Variants in TUBGCP5 observed in about 807,000 individuals in gnomAD.
TUBGCP5 encodes tubulin gamma complex component 5.
TUBGCP5 carries 98 observed loss-of-function variants against 134.7 expected under a neutral mutation model. The observed-to-expected ratio is 0.73, with a 90% CI of 0.62 to 0.86. The LOEUF (loss-of-function observed/expected upper bound fraction) is 0.86. Ranked by LOEUF, TUBGCP5 falls within the 40% of genes least tolerant of loss-of-function variation. The pLI, the probability that TUBGCP5 is intolerant of heterozygous loss-of-function variation, is 0.00. For missense variants in TUBGCP5, 1,150 were observed against 1,244.8 expected (o/e 0.92, Z 1.15); for synonymous variants, 456 against 431.4 (o/e 1.06, Z -0.71).
In TUBGCP5 at chr15:23,023,931, G is replaced by A. The variant is rs764903906; in HGVS notation, c.1168+16C>T. 5.6e-6 allele frequency: 9 copies of A among 1,611,606 alleles called. No homozygotes were observed. Among genetic ancestry groups the A allele is most frequent in the Non-Finnish European group, 7.6e-6 (9 of 1,178,808 alleles). On this transcript the variant is annotated intron_variant, in intron 10 of 22. Coordinates refer to ENST00000615383, the MANE Select transcript of TUBGCP5 (RefSeq NM_052903.6). ...AGTTACGTGTAGTATGAGTAAAGATGAAGAACATTTAATACCATTATTGAT... is the reference window on the plus strand; with the variant it reads ...AGTTACGTGTAGTATGAGTAAAGATAAAGAACATTTAATACCATTATTGAT...
intron 23 of TUBGCP5, among the ~76,000 whole-genome samples, chr15:22,988,593 G>C (rs927775785): frequency 1.5e-4 from 23 of 151,380 alleles, no homozygotes; most frequent in Non-Finnish European, 2.2e-4. Context: ...AAAATTAGCC[G>C]GGCGTGGTGG....
intron 23 of TUBGCP5, among the ~76,000 whole-genome samples, chr15:22,990,243 T>G (rs1350123421): frequency 1.3e-5 from 2 of 148,604 alleles, no homozygotes; most frequent in Non-Finnish European, 1.5e-5. Context: ...CTCCCACTCC[T>G]CCCCCTCCTC....
chr15:23,036,062 G>A (rs957203545), intron 3 of TUBGCP5, among the ~76,000 whole-genome samples: 4 of 152,212 alleles, frequency 2.6e-5, no homozygotes, highest in African/African-American at 9.7e-5. Flanking sequence ...GGCACAAGAT[G>A]TGTCACAGCA....
In TUBGCP5 at chr15:23,027,165, C is replaced by T. The variant is rs73409391; in HGVS notation, c.737+27G>A. On this transcript the variant is annotated intron_variant, in intron 7 of 22. Coordinates refer to ENST00000615383, the MANE Select transcript of TUBGCP5 (RefSeq NM_052903.6). The stretch of plus-strand genomic sequence containing the variant: ...AACATCAAAGTTTCTTCTATCATCA[C>T]ATTAAATGAAAACTTTAGCTTCTTA... 0.013 allele frequency: 20,212 copies of T among 1,533,888 alleles called. 827 individuals carry two copies. The African/African-American group carries it at 0.14, about 11-fold the overall frequency.
downstream of TUBGCP5, chr15:22,996,811 A>C (rs1361708097): frequency 6.6e-6 from 1 of 152,186 alleles, no homozygotes; most frequent in Non-Finnish European, 1.5e-5. Flanking sequence ...TTCCAAAAAA[A>C]CACAAAAGAT....
At chr15:23,034,618 T>C (rs938015290) in intron 3 of TUBGCP5, among the ~76,000 whole-genome samples, 7 of 151,812 alleles carry the variant, frequency 4.6e-5, no homozygotes, top group African/African-American at 1.7e-4. Context: ...CCAGCACTTT[T>C]GGAACCAAGG....
At chr15:23,019,672 C>T (rs1331565738) in intron 11 of TUBGCP5, among the ~76,000 whole-genome samples, 1 of 151,966 alleles carries the variant, frequency 6.6e-6, no homozygotes, top group Non-Finnish European at 1.5e-5. Flanking sequence ...TGACACGCGC[C>T]TGTAGTCCTG....
chr15:23,030,491 A>T (rs1220770727), intron 6 of TUBGCP5, among the ~76,000 whole-genome samples: 2 of 151,576 alleles, frequency 1.3e-5, no homozygotes, highest in African/African-American at 2.4e-5. Context: ...ACCTATGCAT[A>T]TCCTCCCTTA....
chr15:23,004,077 C>G, intron 20 of TUBGCP5, 25 bp downstream of exon 20: 1 of 1,594,038 alleles, frequency 6.3e-7, no homozygotes. Context: ...GCAGTGGCCA[C>G]ATCTGCAGGA....
At chr15:23,012,734 C>T (rs534878401) in intron 13 of TUBGCP5, among the ~76,000 whole-genome samples, 14 of 152,246 alleles carry the variant, frequency 9.2e-5, no homozygotes, top group African/African-American at 3.1e-4. Flanking sequence ...AATTTATGAT[C>T]GAGTCTGAAC....
chr15:23,030,506 TTTTTA>T (rs1193643787), intron 6 of TUBGCP5, among the ~76,000 whole-genome samples: 5 of 151,938 alleles, frequency 3.3e-5, no homozygotes, highest in South Asian at 2.1e-4. Flanking sequence ...CCCTTATACT[TTTTTA>T]TTTTAATTTT....
At chr15:23,037,062 T>C in intron 2 of TUBGCP5, 37 bp downstream of exon 2, 1 of 1,602,374 alleles carries the variant, frequency 6.2e-7, no homozygotes, top group Non-Finnish European at 8.5e-7. Context: ...AGAAAATACA[T>C]ATATTTCTGG....
At chr15:22,991,184 G>A (rs977263624) in intron 23 of TUBGCP5, among the ~76,000 whole-genome samples, 1 of 151,500 alleles carries the variant, frequency 6.6e-6, no homozygotes, top group Non-Finnish European at 1.5e-5. Context: ...TGCAACCTCT[G>A]CCTCCCAGGC....
chr15:23,000,812 A>C lies in TUBGCP5; in HGVS notation c.2928-143T>G, dbSNP rs1373210388. On this transcript the variant is annotated intron_variant, in intron 21 of 22. Coordinates refer to ENST00000615383, the MANE Select transcript of TUBGCP5 (RefSeq NM_052903.6). Reference sequence around the variant, plus strand: ...CTAAAGATTATAAAATAAAACACATAACGTCCTACCCTACTTTAAAATAAA... The same window carrying C: ...CTAAAGATTATAAAATAAAACACATCACGTCCTACCCTACTTTAAAATAAA... 9 of 632,752 alleles carry C rather than the reference A, an allele frequency of 1.4e-5. No homozygotes were observed. The African/African-American group carries it at 1.7e-4, about 12-fold the overall frequency. 39.2% of individuals were successfully genotyped at this position (632,752 alleles called of 1,614,324 possible).
chr15:22,983,808 T>G (rs2140326628), intron 23 of TUBGCP5, among the ~76,000 whole-genome samples: 1 of 152,062 alleles, frequency 6.6e-6, no homozygotes, highest in Admixed American at 6.6e-5. Flanking sequence ...AATAGGTGAG[T>G]ATAGTACAGT....
In TUBGCP5 at chr15:23,026,100, A is replaced by C. The variant is rs1406297301; in HGVS notation, c.827+16T>G. 9.4e-6 allele frequency: 15 copies of C among 1,588,012 alleles called. No individual in the cohort carries two copies. The highest frequency in any genetic ancestry group is 1.3e-5 in the Non-Finnish European group (15 of 1,169,836). ...CAAGTCTCATAAAGACTATTAATTAAATGAACATTTCTTACCATAGGGTTT... is the reference window on the plus strand; with the variant it reads ...CAAGTCTCATAAAGACTATTAATTACATGAACATTTCTTACCATAGGGTTT... On this transcript the variant is annotated intron_variant, in intron 8 of 22. Coordinates refer to ENST00000615383, the MANE Select transcript of TUBGCP5 (RefSeq NM_052903.6).
chr15:22,990,721 T>A (rs1328099639), intron 23 of TUBGCP5, among the ~76,000 whole-genome samples: 2 of 152,116 alleles, frequency 1.3e-5, no homozygotes, highest in Non-Finnish European at 2.9e-5. Flanking sequence ...GACAGTTACC[T>A]TATGTGAAGA....
At chr15:23,016,553 ACAAATGG>A (rs1169433867) in intron 13 of TUBGCP5, among the ~76,000 whole-genome samples, 4 of 151,990 alleles carry the variant, frequency 2.6e-5, no homozygotes, top group Non-Finnish European at 4.4e-5. Flanking sequence ...AAGAAGTAAT[ACAAATGG>A]CCAAGAAATA....
intron 10 of TUBGCP5, chr15:23,023,257 G>A (rs1356246964): frequency 6.6e-6 from 1 of 151,984 alleles, no homozygotes; most frequent in East Asian, 1.9e-4. Context: ...GTGAACCCGG[G>A]AGGCGGAGCT....
Sources: allele counts gnomAD v4.1 joint callset (sites outside exome capture counted in the v4.1 genomes callset), GRCh38; gene constraint gnomAD v4.1.1; transcripts MANE v1.5; gene names NCBI Gene and HGNC (gene_info 2026-07-23, HGNC 2026-07-21).